NCOA2: variants seen among roughly 807,000 people sequenced by gnomAD.
NCOA2 encodes nuclear receptor coactivator 2, also known as class E basic helix-loop-helix protein 75.
In NCOA2, 21 loss-of-function variants were observed where a neutral mutation model predicts 145.1. The observed-to-expected ratio is 0.14, with a 90% CI of 0.10 to 0.21. NCOA2 has a LOEUF of 0.21. Ranked by LOEUF, NCOA2 falls within the 10% of genes least tolerant of loss-of-function variation. NCOA2 has a pLI of 1.00. For missense variants in NCOA2, 1,472 were observed against 1,837.6 expected (o/e 0.80, Z 3.64); for synonymous variants, 619 against 637.5 (o/e 0.97, Z 0.44).
the NCOA2 span, among the ~76,000 whole-genome samples, chr8:70,456,347 G>A: frequency 1.1e-4 from 16 of 152,266 alleles, no homozygotes; most frequent in African/African-American, 3.9e-4. Flanking sequence ...GAGATTAAAA[G>A]GCTGTGGAAA....
chr8:70,365,747 CAGA>C (rs1810633076), intron 1 of NCOA2, among the ~76,000 whole-genome samples: 1 of 152,044 alleles, frequency 6.6e-6, no homozygotes, highest in South Asian at 2.1e-4. Context: ...TTGCCGGTGG[CAGA>C]AGAACAGAAA....
chr8:70,268,052 T>C (rs974325097), intron 2 of NCOA2, among the ~76,000 whole-genome samples: 1 of 152,238 alleles, frequency 6.6e-6, no homozygotes, highest in Non-Finnish European at 1.5e-5. Flanking sequence ...CTGTTAGGAA[T>C]CCCTGCTGCT....
At chr8:70,281,051 A>G (rs1825834640) in intron 2 of NCOA2, among the ~76,000 whole-genome samples, 1 of 152,048 alleles carries the variant, frequency 6.6e-6, no homozygotes, top group Non-Finnish European at 1.5e-5. Context: ...GGAACCAGTT[A>G]TTAAAATTTA....
At chr8:70,299,499 TAATTC>T (rs1827333867) in intron 1 of NCOA2, among the ~76,000 whole-genome samples, 1 of 152,128 alleles carries the variant, frequency 6.6e-6, no homozygotes. Flanking sequence ...ATAGGACAAA[TAATTC>T]AATTATTTTT....
chr8:70,170,756 A>G (rs976815061), intron 5 of NCOA2, among the ~76,000 whole-genome samples: 2 of 152,200 alleles, frequency 1.3e-5, no homozygotes, highest in Admixed American at 6.5e-5. Flanking sequence ...TCATCAACCT[A>G]ATGCAAGGTA....
chr8:70,218,362 G>C (rs1049706835), intron 2 of NCOA2, among the ~76,000 whole-genome samples: 2 of 152,116 alleles, frequency 1.3e-5, no homozygotes, highest in African/African-American at 4.8e-5. Context: ...TTAGAGCAAT[G>C]CAACCAAGTC....
chr8:70,426,336 T>G, the NCOA2 span, among the ~76,000 whole-genome samples: 1 of 152,238 alleles, frequency 6.6e-6, no homozygotes, highest in Non-Finnish European at 1.5e-5. Context: ...ACAAAATAAC[T>G]GCCTTTCAAC....
intron 1 of NCOA2, among the ~76,000 whole-genome samples, chr8:70,399,483 GATTTTATGATTTGCTGCA>G (rs1389836255): frequency 6.6e-6 from 1 of 152,166 alleles, no homozygotes; most frequent in Admixed American, 6.5e-5. Flanking sequence ...ATTTGTTGCT[GATTTTATGATTTGCTGCA>G]ATAAAAGACC....
intron 2 of NCOA2, among the ~76,000 whole-genome samples, chr8:70,289,570 T>A (rs1386586360): frequency 6.6e-6 from 1 of 152,138 alleles, no homozygotes; most frequent in African/African-American, 2.4e-5. Context: ...GACCATTAGG[T>A]TGACACTAAT....
At chr8:70,435,690 T>C in the NCOA2 span, among the ~76,000 whole-genome samples, 6 of 150,766 alleles carry the variant, frequency 4.0e-5, no homozygotes, top group African/African-American at 1.5e-4. Context: ...TTTCTACTTA[T>C]ATATATATAA....
chr8:70,165,169 C>T (rs1423854820), intron 7 of NCOA2, among the ~76,000 whole-genome samples: 1 of 152,158 alleles, frequency 6.6e-6, no homozygotes, highest in Non-Finnish European at 1.5e-5. Flanking sequence ...AGCACTTACT[C>T]CGCTGCATAA....
At chr8:70,286,695 T>C (rs189701552) in intron 2 of NCOA2, among the ~76,000 whole-genome samples, 305 of 152,310 alleles carry the variant, frequency 2.0e-3, no homozygotes, top group African/African-American at 7.1e-3. Flanking sequence ...AATTAAAACC[T>C]CTTTTTGTGT....
Position 70,144,752 on chromosome 8 carries a change from G to C in NCOA2, c.2702C>G (p.Pro901Arg), listed in dbSNP as rs759584187. The change falls in exon 13 of 23, where the codon CCT becomes CGT. Residue 901 changes from proline to arginine, a missense_variant. Pro to Arg is a moderately radical substitution (Grantham distance 103). Coordinates refer to ENST00000452400, the MANE Select transcript of NCOA2 (RefSeq NM_006540.4). Reference sequence around the variant, plus strand: ...ACTACTGTTTCTGATTGGTGGGAAAGGTCCAGCACCAGTTGGGCTTTGCAA... The same window carrying C: ...ACTACTGTTTCTGATTGGTGGGAAACGTCCAGCACCAGTTGGGCTTTGCAA... ...ITLQSPTGAG[P>R]FPPIRNSSPY... 5.6e-6 allele frequency: 9 copies of C among 1,613,982 alleles called. No homozygotes were observed. Among genetic ancestry groups the C allele is most frequent in the Admixed American group, 1.7e-5 (1 of 60,024 alleles).
chr8:70,267,313 C>T (rs1474983837), intron 2 of NCOA2, among the ~76,000 whole-genome samples: 1 of 151,762 alleles, frequency 6.6e-6, no homozygotes, highest in African/African-American at 2.4e-5. Flanking sequence ...ATCCAACAAA[C>T]TTTTACTAGG....
chr8:70,167,753 T>C (rs952147179), intron 6 of NCOA2, among the ~76,000 whole-genome samples: 3 of 152,040 alleles, frequency 2.0e-5, no homozygotes, highest in African/African-American at 7.2e-5. Flanking sequence ...AATGAGACAA[T>C]GAAAGAGAGG....
intron 2 of NCOA2, among the ~76,000 whole-genome samples, chr8:70,281,705 T>C (rs1396462840): frequency 3.3e-5 from 5 of 152,156 alleles, no homozygotes; most frequent in Non-Finnish European, 5.9e-5. Context: ...CTGAACACCA[T>C]GCAGCAGTCC....
At chr8:70,404,200 G>A (rs1814650036), upstream of NCOA2, among the ~76,000 whole-genome samples, 1 of 152,204 alleles carries the variant, frequency 6.6e-6, no homozygotes, top group South Asian at 2.1e-4. Flanking sequence ...GTAGAGGGAG[G>A]GTGACCTAGA....
At chr8:70,340,871 T>C (rs774603603) in intron 1 of NCOA2, among the ~76,000 whole-genome samples, 5 of 150,858 alleles carry the variant, frequency 3.3e-5, no homozygotes, top group Non-Finnish European at 4.4e-5. Context: ...TAAGTGGGAG[T>C]TGAATGATAA....
chr8:70,128,326 G>T (rs541613809), intron 18 of NCOA2, 107 bp downstream of exon 18: 63 of 911,042 alleles, frequency 6.9e-5, no homozygotes, highest in African/African-American at 6.3e-4. Flanking sequence ...GGGCTAGTGT[G>T]CTGATCTGGA....
Sources: allele counts gnomAD v4.1 joint callset (sites outside exome capture counted in the v4.1 genomes callset), GRCh38; gene constraint gnomAD v4.1.1; transcripts MANE v1.5; gene names NCBI Gene and HGNC (gene_info 2026-07-23, HGNC 2026-07-21).